PHF2: variants seen among roughly 807,000 people sequenced by gnomAD.
The protein encoded by PHF2 is lysine-specific demethylase PHF2.
A neutral mutation model predicts 120.5 loss-of-function variants in PHF2; 27 were observed. That is an observed-to-expected ratio of 0.22 (90% CI 0.17 to 0.31). The LOEUF is 0.31. PHF2 is among the 10% of genes least tolerant of loss of function. PHF2 has a pLI of 1.00. For missense variants in PHF2, 1,024 were observed against 1,434.8 expected, an observed-to-expected ratio of 0.71 and a Z score of 4.63; for synonymous variants, 568 against 592.5, an observed-to-expected ratio of 0.96 and a Z score of 0.60.
chr9:93,640,524 T>G (rs1826158189), intron 3 of PHF2, among the ~76,000 whole-genome samples: 1 of 152,126 alleles, frequency 6.6e-6, no homozygotes, highest in Non-Finnish European at 1.5e-5. Flanking sequence ...GCTACTTTTA[T>G]TATTGTTTTT....
chr9:93,666,680 C>T (rs759643583), intron 16 of PHF2, among the ~76,000 whole-genome samples: 96 of 152,144 alleles, frequency 6.3e-4, no homozygotes, highest in Non-Finnish European at 1.3e-3. Context: ...CCTGTAATCC[C>T]AGCACTTTGG....
chr9:93,676,690 A>C lies in PHF2; in HGVS notation c.2929A>C (p.Thr977Pro). The change falls in exon 21 of 22, where the codon ACC becomes CCC. Residue 977 changes from threonine to proline, a missense_variant. Thr to Pro is a conservative substitution (Grantham distance 38). Transcript: ENST00000359246. ...STSTSISAGT[T>P]STSTTPASTT... ...CTCCACCTCCATCTCTGCCGGCACC[A>C]CCTCCACCTCCACCACGCCAGCCTC... 6.4e-7 allele frequency: 1 copy of C among 1,562,476 alleles called. No individual in the cohort carries two copies. Among genetic ancestry groups the C allele is most frequent in the Non-Finnish European group, 8.7e-7 (1 of 1,153,796 alleles).
chr9:93,618,289 G>T (rs1359634327), intron 1 of PHF2, among the ~76,000 whole-genome samples: 1 of 152,224 alleles, frequency 6.6e-6, no homozygotes, highest in Non-Finnish European at 1.5e-5. Flanking sequence ...CACCACTGGG[G>T]CCCCCCAGGG....
chr9:93,662,798 G>A, intron 12 of PHF2, 109 bp from the exon 13 acceptor site: 1 of 1,339,456 alleles, frequency 7.5e-7, no homozygotes, highest in Non-Finnish European at 1.0e-6. Context: ...ATGGATGGAG[G>A]CTTGAGCTGC....
chr9:93,622,006 AT>A (rs1458356915), intron 1 of PHF2, among the ~76,000 whole-genome samples: 1 of 152,112 alleles, frequency 6.6e-6, no homozygotes, highest in Non-Finnish European at 1.5e-5. Context: ...CACCTGGGGC[AT>A]TTGGGGGCCT....
intron 1 of PHF2, among the ~76,000 whole-genome samples, chr9:93,596,220 T>C (rs954633985): frequency 1.5e-4 from 23 of 152,074 alleles, no homozygotes; most frequent in Non-Finnish European, 3.4e-4. Flanking sequence ...TCCCTGTTTC[T>C]ATTGGGACCC....
At chr9:93,604,240 G>T (rs1825496782) in intron 1 of PHF2, among the ~76,000 whole-genome samples, 1 of 152,128 alleles carries the variant, frequency 6.6e-6, no homozygotes. Context: ...CCGAGTGAGT[G>T]AGTTGGCTCT....
chr9:93,655,382 G>A (rs755216525), intron 7 of PHF2, among the ~76,000 whole-genome samples: 4 of 150,488 alleles, frequency 2.7e-5, no homozygotes, highest in Non-Finnish European at 4.4e-5. Flanking sequence ...TCCTCCCTCC[G>A]TTGGCTTCCT....
intron 18 of PHF2, among the ~76,000 whole-genome samples, chr9:93,674,561 C>T (rs1336706841): frequency 6.6e-6 from 1 of 152,188 alleles, no homozygotes; most frequent in Non-Finnish European, 1.5e-5. Flanking sequence ...GTAGCTTCCT[C>T]CAGGTGGGGC....
At position 93,666,657 on chromosome 9, in the gene PHF2, C is replaced by A. The variant is rs576223912; in HGVS notation, c.2188-423C>A. 1.3e-4 allele frequency among the ~76,000 whole-genome samples: 20 copies of A among 152,256 alleles called. No individual in the cohort carries two copies. The East Asian group carries it at 3.9e-3, about 29-fold the overall frequency. On this transcript the variant is annotated intron_variant, in intron 16 of 21. Coordinates refer to ENST00000359246, the MANE Select transcript of PHF2 (RefSeq NM_005392.4). ...TAAAAATGTTAAAAAACTGGCTGGG[C>A]GCAGAGCTCACACCTGTAATCCCAG...
intron 3 of PHF2, among the ~76,000 whole-genome samples, chr9:93,641,823 T>C (rs754563059): frequency 2.6e-5 from 4 of 152,242 alleles, no homozygotes; most frequent in Non-Finnish European, 5.9e-5. Context: ...TTATTGCTTG[T>C]GCTTTTGGTA....
At chr9:93,601,448 G>A (rs1313645927) in intron 1 of PHF2, among the ~76,000 whole-genome samples, 1 of 140,680 alleles carries the variant, frequency 7.1e-6, no homozygotes, top group African/African-American at 2.5e-5. Context: ...ACACACCTAA[G>A]AGGGCCTAGT....
chr9:93,641,029 T>C (rs1000266446), intron 3 of PHF2, among the ~76,000 whole-genome samples: 3 of 152,218 alleles, frequency 2.0e-5, no homozygotes, highest in Non-Finnish European at 4.4e-5. Flanking sequence ...TATACTGATG[T>C]ATGGTGGTAG....
At chr9:93,580,299 G>A (rs1252435971) in intron 1 of PHF2, among the ~76,000 whole-genome samples, 1 of 152,224 alleles carries the variant, frequency 6.6e-6, no homozygotes, top group Admixed American at 6.5e-5. Context: ...GCAGGAGGCC[G>A]CTGGAGGCCG....
At chr9:93,676,317 A>G (rs1826910018) in intron 20 of PHF2, among the ~76,000 whole-genome samples, 1 of 152,218 alleles carries the variant, frequency 6.6e-6, no homozygotes, top group Non-Finnish European at 1.5e-5. Flanking sequence ...GGAGATGTAT[A>G]TGGCCACTGA....
chr9:93,675,078 CTT>C, intron 19 of PHF2, 56 bp downstream of exon 19: 2 of 1,401,134 alleles, frequency 1.4e-6, no homozygotes, highest in Non-Finnish European at 1.0e-6. Flanking sequence ...GAAGCTGTGA[CTT>C]TGTCTGTGGT....
chr9:93,629,900 G>A (rs10992812), intron 1 of PHF2, 70 bp from the exon 2 acceptor site: 492,872 of 1,451,360 alleles, frequency 0.34, 87,201 homozygotes, highest in Non-Finnish European at 0.37. Flanking sequence ...TCTCCCTAGA[G>A]CTTCGCAGAT....
intron 1 of PHF2, among the ~76,000 whole-genome samples, chr9:93,616,498 G>A (rs1345060670): frequency 6.6e-6 from 1 of 152,188 alleles, no homozygotes; most frequent in Non-Finnish European, 1.5e-5. Flanking sequence ...GCTTGAATGT[G>A]TGCCTGACAC....
chr9:93,652,421 A>C (rs1039525870), intron 5 of PHF2, among the ~76,000 whole-genome samples: 1 of 151,344 alleles, frequency 6.6e-6, no homozygotes, highest in Non-Finnish European at 1.5e-5. Flanking sequence ...CAGTCTCCCA[A>C]GTAGCTGGGA....
Sources: allele counts gnomAD v4.1 joint callset (sites outside exome capture counted in the v4.1 genomes callset), GRCh38; gene constraint gnomAD v4.1.1; transcripts MANE v1.5; gene names NCBI Gene and HGNC (gene_info 2026-07-23, HGNC 2026-07-21).